Variants in GPAT3 observed in about 807,000 individuals in gnomAD.
The protein encoded by GPAT3 is glycerol-3-phosphate acyltransferase 3, also known as 1-AGP acyltransferase 9.
In GPAT3, 53 loss-of-function variants were observed where a neutral mutation model predicts 58.8. The observed-to-expected ratio is 0.90, with a 90% confidence interval of 0.72 to 1.13. The LOEUF (loss-of-function observed/expected upper bound fraction) is 1.13. Ranked by LOEUF, GPAT3 falls within the 50% of genes most tolerant of loss-of-function variation. GPAT3 has a pLI of 0.00. For synonymous variants in GPAT3, 197 were observed against 187.4 expected, an observed-to-expected ratio of 1.05 and a Z score of -0.42; for missense variants, 511 against 527.6, an observed-to-expected ratio of 0.97 and a Z score of 0.31.
At chr4:83,546,733 T>C (rs763584929) in intron 2 of GPAT3, among the ~76,000 whole-genome samples, 91 of 152,158 alleles carry the variant, frequency 6.0e-4, no homozygotes, top group Non-Finnish European at 2.8e-4. Flanking sequence ...TGTGGGGAGA[T>C]AGGCATTGGA....
At chr4:83,581,885 G>T in intron 3 of GPAT3, 53 bp downstream of exon 3, 2 of 1,558,154 alleles carry the variant, frequency 1.3e-6, no homozygotes, top group South Asian at 2.5e-5. Context: ...CTTTCTTTTT[G>T]AATCATGTAC....
intron 2 of GPAT3, among the ~76,000 whole-genome samples, chr4:83,557,231 G>A (rs978536025): frequency 1.3e-5 from 2 of 152,180 alleles, no homozygotes; most frequent in Non-Finnish European, 2.9e-5. Flanking sequence ...AAAAAGGGGA[G>A]GGGTACAAAT....
intron 6 of GPAT3, among the ~76,000 whole-genome samples, chr4:83,594,246 T>C (rs781433): frequency 0.017 from 2,596 of 152,342 alleles, 73 homozygotes; most frequent in African/African-American, 0.06. Context: ...TAATTTCTTA[T>C]ATTTGGACAT....
chr4:83,572,026 T>C (rs1249153291), intron 2 of GPAT3, among the ~76,000 whole-genome samples: 1 of 152,028 alleles, frequency 6.6e-6, no homozygotes, highest in African/African-American at 2.4e-5. Context: ...ACCCCCGTTG[T>C]CCTCCCAAAG....
chr4:83,570,795 C>CT (rs1157604387), intron 2 of GPAT3, among the ~76,000 whole-genome samples: 1 of 151,938 alleles, frequency 6.6e-6, no homozygotes, highest in African/African-American at 2.4e-5. Flanking sequence ...TAAAGGTAAT[C>CT]TTTTTTTTCT....
In GPAT3 at chr4:83,579,046, CT is replaced by C. The variant is rs1183019346; in HGVS notation, c.209-2513del. 6.4e-4 allele frequency among the ~76,000 whole-genome samples: 20 copies of C among 31,304 alleles called. 2 individuals carry two copies. The highest frequency in any genetic ancestry group is 2.9e-3 in the African/African-American group (19 of 6,532). The allele number at this position is 31,304 out of a possible 152,430, so 20.5% of individuals were successfully genotyped here. A position where few individuals can be genotyped will look rare whatever the true frequency, so the allele number is the denominator to read the frequency against. On this transcript the variant is annotated intron_variant, in intron 2 of 11. Coordinates refer to ENST00000264409, the MANE Select transcript of GPAT3 (RefSeq NM_032717.5). ...TCTTTCTTTCTTTCTTTCTTTCTTT[CT>C]TTCTTTCTTTCTTTCTTTCTTTCTT... is the stretch of plus-strand genomic sequence containing the variant.
At chr4:83,569,581 C>T (rs1443547352) in intron 2 of GPAT3, among the ~76,000 whole-genome samples, 4 of 151,696 alleles carry the variant, frequency 2.6e-5, no homozygotes, top group Non-Finnish European at 4.4e-5. Flanking sequence ...CTGCTTCTGC[C>T]GTGTAGAGGC....
At chr4:83,595,822 G>T (rs142712268) in intron 7 of GPAT3, among the ~76,000 whole-genome samples, 3 of 152,168 alleles carry the variant, frequency 2.0e-5, no homozygotes, top group African/African-American at 7.2e-5. Context: ...ACAGCTTTTG[G>T]CCCGAGGCCT....
At chr4:83,577,606 A>C (rs1302652498) in intron 2 of GPAT3, among the ~76,000 whole-genome samples, 1 of 152,178 alleles carries the variant, frequency 6.6e-6, no homozygotes, top group African/African-American at 2.4e-5. Flanking sequence ...CTATTGTTGC[A>C]ACTTCGCTGT....
At chr4:83,554,525 A>G (rs1295124613) in intron 2 of GPAT3, among the ~76,000 whole-genome samples, 2 of 152,034 alleles carry the variant, frequency 1.3e-5, no homozygotes, top group Admixed American at 6.6e-5. Context: ...AATCACCACC[A>G]TTTTTTAAAC....
chr4:83,550,443 A>T (rs1724712131), intron 2 of GPAT3, among the ~76,000 whole-genome samples: 1 of 152,206 alleles, frequency 6.6e-6, no homozygotes, highest in Non-Finnish European at 1.5e-5. Context: ...ATTTTCAGAC[A>T]TACACAAAAG....
intron 2 of GPAT3, among the ~76,000 whole-genome samples, chr4:83,569,629 T>C: frequency 6.6e-6 from 1 of 152,178 alleles, no homozygotes; most frequent in East Asian, 1.9e-4. Context: ...GCCTGTGCAC[T>C]GATGTTACAG....
At chr4:83,589,197 A>G (rs1263656872) in intron 5 of GPAT3, among the ~76,000 whole-genome samples, 1 of 152,254 alleles carries the variant, frequency 6.6e-6, no homozygotes, top group Non-Finnish European at 1.5e-5. Context: ...CATAAAGAGG[A>G]GTTCCTAACT....
At chr4:83,557,511 A>G (rs28587748) in intron 2 of GPAT3, among the ~76,000 whole-genome samples, 24,645 of 152,070 alleles carry the variant, frequency 0.16, 2,275 homozygotes, top group East Asian at 0.31. Context: ...ACAATAGCTG[A>G]TGAGCTTAAA....
At chr4:83,562,211 T>TTATATATATATATAATATATATATAATA (rs1560611071) in intron 2 of GPAT3, among the ~76,000 whole-genome samples, 3 of 73,008 alleles carry the variant, frequency 4.1e-5, no homozygotes, top group Non-Finnish European at 7.4e-5. Flanking sequence ...TATATATATA[T>TTATATATATATATAATATATATATAATA]TATATATATA....
intron 2 of GPAT3, among the ~76,000 whole-genome samples, chr4:83,578,095 C>T (rs1432285937): frequency 3.9e-5 from 6 of 152,172 alleles, no homozygotes; most frequent in Admixed American, 3.3e-4. Flanking sequence ...GCCACCATAC[C>T]TGGCCTCACT....
intron 2 of GPAT3, among the ~76,000 whole-genome samples, chr4:83,579,263 C>T (rs1363173081): frequency 8.6e-6 from 1 of 116,940 alleles, no homozygotes; most frequent in Non-Finnish European, 1.8e-5. Context: ...CTTCCCTTCC[C>T]GCCCCTCCCC....
chr4:83,595,467 A>G (rs1260752148), intron 7 of GPAT3: 1 of 152,446 alleles, frequency 6.6e-6, no homozygotes, highest in Non-Finnish European at 1.5e-5. Flanking sequence ...GACGTCTGTA[A>G]TCCTAGCACT....
chr4:83,595,018 G>T, intron 7 of GPAT3, 58 bp downstream of exon 7: 1 of 1,488,638 alleles, frequency 6.7e-7, no homozygotes, highest in Non-Finnish European at 9.4e-7. Context: ...ACCAATCTTG[G>T]CCTTGCTACC....
Sources: allele counts gnomAD v4.1 joint callset (sites outside exome capture counted in the v4.1 genomes callset), GRCh38; gene constraint gnomAD v4.1.1; transcripts MANE v1.5; gene names NCBI Gene and HGNC (gene_info 2026-07-23, HGNC 2026-07-21).